The following KLHDC2 variants were observed in gnomAD, a reference collection of about 807,000 sequenced individuals.
KLHDC2 encodes the protein kelch domain-containing protein 2.
KLHDC2 carries 38 observed loss-of-function variants against 62.3 expected under a neutral mutation model. The observed-to-expected ratio is 0.61, with a 90% CI of 0.47 to 0.80. The LOEUF (loss-of-function observed/expected upper bound fraction) is 0.80. Among genes scored for constraint, KLHDC2 ranks in the 30% least tolerant of loss-of-function variants. The probability of loss-of-function intolerance (pLI) is 0.00; values close to 1 mark genes in which losing one functional copy is unlikely to be tolerated. For synonymous variants in KLHDC2, 159 were observed against 161.0 expected, an observed-to-expected ratio of 0.99 and a Z score of 0.09; for missense variants, 430 against 495.3, an observed-to-expected ratio of 0.87 and a Z score of 1.25.
chr14:49,774,765 CTTAT>C lies in KLHDC2; in HGVS notation c.351+90_351+93del, dbSNP rs370757945. 1.4e-3 allele frequency: 1,139 copies of C among 821,694 alleles called. 11 individuals carry two copies. The African/African-American group carries it at 0.017, about 13-fold the overall frequency. 50.9% of individuals were successfully genotyped at this position (821,694 alleles called of 1,614,324 possible). A position where few individuals can be genotyped will look rare whatever the true frequency, so the allele number is the denominator to read the frequency against. On this transcript the variant is annotated intron_variant, in intron 3 of 12. Transcript: ENST00000298307. ...GCAAATTTCTAAGGTTAGCCCCAGA[CTTAT>C]TTGTGTCACAGTTAAAAATGATGTG...
chr14:49,776,523 C>T (rs1566635136), intron 3 of KLHDC2, among the ~76,000 whole-genome samples: 1 of 152,040 alleles, frequency 6.6e-6, no homozygotes, highest in African/African-American at 2.4e-5. Flanking sequence ...ACTCTTTAAT[C>T]TTAGAGTTAA....
intron 2 of KLHDC2, among the ~76,000 whole-genome samples, chr14:49,773,402 A>G (rs1159749892): frequency 4.7e-5 from 5 of 106,562 alleles, no homozygotes; most frequent in South Asian, 7.5e-4. Context: ...CGAAAGAGTC[A>G]GACTCCATCT....
In KLHDC2 at chr14:49,785,252, T is replaced by A; in HGVS notation, c.*2299T>A. ...TTGTCATGGTGGTGTAAGGGGCACA[T>A]ATTGGAATGGCAAACAGTAGTACAT... On this transcript the variant is annotated 3_prime_UTR_variant, in exon 13 of 13. Transcript: ENST00000298307. The A allele has an allele frequency of 6.2e-7, 1 of 1,613,924 alleles. No homozygotes were observed. The highest frequency in any genetic ancestry group is 1.1e-5 in the South Asian group (1 of 91,080).
chr14:49,773,284 C>G (rs550801746), intron 2 of KLHDC2, among the ~76,000 whole-genome samples: 1 of 149,986 alleles, frequency 6.7e-6, no homozygotes, highest in African/African-American at 2.4e-5. Flanking sequence ...CGTGGAGGCA[C>G]GCGCCTGTAG....
chr14:49,779,380 G>GT (rs1326884398), intron 6 of KLHDC2, among the ~76,000 whole-genome samples: 1 of 152,140 alleles, frequency 6.6e-6, no homozygotes, highest in East Asian at 1.9e-4. Flanking sequence ...AGCCTATTGT[G>GT]TTAGCCAGCC....
chr14:49,776,010 G>A (rs1889765280), intron 3 of KLHDC2, among the ~76,000 whole-genome samples: 1 of 152,176 alleles, frequency 6.6e-6, no homozygotes, highest in Non-Finnish European at 1.5e-5. Flanking sequence ...AAACTTTAGG[G>A]ATTTGAGATG....
chr14:49,782,324 A>G (rs763907641), intron 10 of KLHDC2, 46 bp from the exon 11 acceptor site: 5 of 1,316,500 alleles, frequency 3.8e-6, no homozygotes, highest in African/African-American at 1.5e-5. Context: ...AAAATGGCCA[A>G]CTGGTGTTCT....
rs1219537926 is a variant in KLHDC2, at chr14:49,783,865, A to C, written c.*912A>C. On this transcript the variant is annotated 3_prime_UTR_variant, in exon 13 of 13. Coordinates refer to ENST00000298307, the MANE Select transcript of KLHDC2 (RefSeq NM_014315.3). ...CATTTTGGTCTAATATTTTTTTCTG[A>C]CAAGTATCAATGAAAGCAGAAGAAA... is the stretch of plus-strand genomic sequence containing the variant. 6.6e-6 allele frequency: 1 copy of C among 152,138 alleles called. No homozygotes were observed. Among genetic ancestry groups the C allele is most frequent in the East Asian group, 1.9e-4 (1 of 5,204 alleles). 9.4% of individuals were successfully genotyped at this position (152,138 alleles called of 1,614,324 possible).
intron 2 of KLHDC2, among the ~76,000 whole-genome samples, chr14:49,772,664 C>T (rs955784724): frequency 1.3e-5 from 2 of 152,112 alleles, no homozygotes; most frequent in Non-Finnish European, 2.9e-5. Context: ...AGTAGTCCCA[C>T]TTAACAGTTA....
intron 1 of KLHDC2, among the ~76,000 whole-genome samples, chr14:49,771,388 G>C (rs1387521355): frequency 1.3e-5 from 2 of 151,634 alleles, no homozygotes; most frequent in African/African-American, 4.8e-5. Context: ...TTGTCCTATT[G>C]CAACTGCTGT....
chr14:49,770,247 C>T (rs943881285), intron 1 of KLHDC2, among the ~76,000 whole-genome samples: 3 of 152,144 alleles, frequency 2.0e-5, no homozygotes, highest in Non-Finnish European at 4.4e-5. Flanking sequence ...AGACTGCCCT[C>T]CCCATTTATG....
At chr14:49,772,531 G>A (rs116809833) in intron 2 of KLHDC2, among the ~76,000 whole-genome samples, 2,442 of 152,284 alleles carry the variant, frequency 0.016, 58 homozygotes, top group African/African-American at 0.055. Flanking sequence ...TAGAATCAAG[G>A]TGTTTCTCAA....
chr14:49,774,638 A>G lies in KLHDC2; in HGVS notation c.311A>G (p.Tyr104Cys). 3 of 1,613,158 alleles carry G rather than the reference A, an allele frequency of 1.9e-6. No individual in the cohort carries two copies. Among genetic ancestry groups the G allele is most frequent in the Non-Finnish European group, 2.5e-6 (3 of 1,179,166 alleles). Residue 104 changes from tyrosine (Y) to cysteine (C), a missense_variant, in exon 3 of 13, where the codon TAC (tyrosine) becomes TGC (cysteine). Transcript: ENST00000298307. Reference protein sequence around the residue: ...SCAVCVDRVLYLFGGHHSRGN... With the variant: ...SCAVCVDRVLCLFGGHHSRGN... The stretch of plus-strand genomic sequence containing the variant: ...GCTGTGTGTGTAGACAGGGTGCTGT[A>G]CTTGTTTGGAGGACACCATTCAAGA...
Position 49,784,041 on chromosome 14 carries a change from T to C in KLHDC2, c.*1088T>C, listed in dbSNP as rs55921750. On this transcript the variant is annotated 3_prime_UTR_variant, in exon 13 of 13. Transcript: ENST00000298307. ...CAAGCCACTTCACTGTTCAGTTTCT[T>C]TACATCATGAAATGAATACTTGGTA... 1 of 151,914 alleles carries C rather than the reference T, an allele frequency of 6.6e-6. No homozygotes were observed. Among genetic ancestry groups the C allele is most frequent in the African/African-American group, 2.4e-5 (1 of 41,356 alleles). 9.4% of individuals were successfully genotyped at this position (151,914 alleles called of 1,614,324 possible). A position where few individuals can be genotyped will look rare whatever the true frequency, so the allele number is the denominator to read the frequency against.
At chr14:49,778,573 C>A (rs1256387175) in intron 6 of KLHDC2, 79 bp downstream of exon 6, 2 of 667,996 alleles carry the variant, frequency 3.0e-6, no homozygotes, top group South Asian at 3.8e-5. Context: ...GAGGGGTGCA[C>A]CAGAGTTGGA....
chr14:49,782,328 G>A lies in KLHDC2; in HGVS notation c.957-42G>A, dbSNP rs1484294938. 3 of 1,351,804 alleles carry A rather than the reference G, an allele frequency of 2.2e-6. No individual in the cohort carries two copies. In the East Asian group the frequency reaches 6.9e-5, roughly 31 times the overall value. 83.7% of individuals were successfully genotyped at this position (1,351,804 alleles called of 1,614,324 possible). A position where few individuals can be genotyped will look rare whatever the true frequency, so the allele number is the denominator to read the frequency against. On this transcript the variant is annotated intron_variant, in intron 10 of 12. Coordinates refer to ENST00000298307, the MANE Select transcript of KLHDC2 (RefSeq NM_014315.3). ...TTCTGTAGTATAAAATGGCCAACTG[G>A]TGTTCTGGGTGGCTTCAAACTCGTT...
Position 49,785,544 on chromosome 14 carries a change from T to C in KLHDC2, c.*2591T>C, listed in dbSNP as rs926766456. The C allele has an allele frequency of 2.2e-6, 1 of 457,172 alleles. No homozygotes were observed. The highest frequency in any genetic ancestry group is 4.0e-6 in the Non-Finnish European group (1 of 250,234). 28.3% of individuals were successfully genotyped at this position (457,172 alleles called of 1,614,324 possible). A position where few individuals can be genotyped will look rare whatever the true frequency, so the allele number is the denominator to read the frequency against. On this transcript the variant is annotated 3_prime_UTR_variant, in exon 13 of 13. Coordinates refer to ENST00000298307, the MANE Select transcript of KLHDC2 (RefSeq NM_014315.3). ...CTTAATTTTTGCCTAGCATAATAAG[T>C]AATGAGAACAATAATTTTCAAAATC...
intron 12 of KLHDC2, 86 bp from the exon 13 acceptor site, chr14:49,782,744 G>GAA (rs1352213724): frequency 1.4e-6 from 2 of 1,478,578 alleles, no homozygotes; most frequent in African/African-American, 1.4e-5. Context: ...AAGAAAGAAA[G>GAA]AGGGATGTTT....
intron 1 of KLHDC2, among the ~76,000 whole-genome samples, chr14:49,771,218 G>A (rs1889657220): frequency 6.6e-6 from 1 of 152,038 alleles, no homozygotes; most frequent in South Asian, 2.1e-4. Context: ...GCGTGATGGC[G>A]AGTGCGTGCA....
Sources: allele counts gnomAD v4.1 joint callset (sites outside exome capture counted in the v4.1 genomes callset), GRCh38; gene constraint gnomAD v4.1.1; transcripts MANE v1.5; gene names NCBI Gene and HGNC (gene_info 2026-07-23, HGNC 2026-07-21).